Variants in DENND5A observed in about 807,000 individuals in gnomAD.
DENND5A encodes DENN domain-containing protein 5A.
In DENND5A, 64 loss-of-function variants were observed where a neutral mutation model predicts 140.3. The ratio of observed to expected loss-of-function variants is 0.46; its 90% CI spans 0.37 to 0.56. The LOEUF (loss-of-function observed/expected upper bound fraction) is 0.56. Ranked by LOEUF, DENND5A falls within the 20% of genes least tolerant of loss-of-function variation. The probability of loss-of-function intolerance (pLI) is 0.00; values close to 1 mark genes in which losing one functional copy is unlikely to be tolerated. For synonymous variants in DENND5A, 605 were observed against 607.7 expected (o/e 1.00, Z 0.07); for missense variants, 1,292 against 1,593.8 (o/e 0.81, Z 3.22).
intron 11 of DENND5A, among the ~76,000 whole-genome samples, chr11:9,161,253 CAGG>C (rs1298756524): frequency 6.6e-6 from 1 of 152,060 alleles, no homozygotes; most frequent in Non-Finnish European, 1.5e-5. Context: ...GAGGCTGAAG[CAGG>C]AGAATGGCGT....
intron 5 of DENND5A, among the ~76,000 whole-genome samples, chr11:9,184,032 C>G (rs1848822070): frequency 6.7e-6 from 1 of 150,122 alleles, no homozygotes; most frequent in Non-Finnish European, 1.5e-5. Context: ...GCTTGGGCAA[C>G]AACAGTGAAA....
chr11:9,174,397 A>C (rs1848482295), intron 8 of DENND5A, among the ~76,000 whole-genome samples: 1 of 151,966 alleles, frequency 6.6e-6, no homozygotes, highest in Admixed American at 6.6e-5. Flanking sequence ...ATTAAAAGTA[A>C]AATAATGACA....
intron 1 of DENND5A, 91 bp downstream of exon 1, chr11:9,264,870 C>T (rs1852373538): frequency 1.4e-5 from 17 of 1,223,726 alleles, no homozygotes; most frequent in Middle Eastern, 2.7e-4. Flanking sequence ...CGCCCGGCTC[C>T]CGGGACAAAG....
At chr11:9,240,422 G>C (rs529996092) in intron 1 of DENND5A, among the ~76,000 whole-genome samples, 1 of 151,766 alleles carries the variant, frequency 6.6e-6, no homozygotes, top group South Asian at 2.1e-4. Context: ...AACAAAAACT[G>C]ATCCTGACTG....
intron 1 of DENND5A, among the ~76,000 whole-genome samples, chr11:9,232,320 C>CTA (rs1467593938): frequency 2.6e-5 from 4 of 151,290 alleles, no homozygotes; most frequent in Admixed American, 6.6e-5. Flanking sequence ...TATATTTGCA[C>CTA]TATATATATA....
intron 4 of DENND5A, among the ~76,000 whole-genome samples, chr11:9,200,762 G>A (rs1849494886): frequency 6.6e-6 from 1 of 152,130 alleles, no homozygotes; most frequent in Admixed American, 6.6e-5. Context: ...CTCTCACCTG[G>A]ATTATTACAA....
At position 9,145,533 on chromosome 11, in the gene DENND5A, T is replaced by A. The variant is rs1847399097; in HGVS notation, c.3003+137A>T. 5 of 963,330 alleles carry A rather than the reference T, an allele frequency of 5.2e-6. No individual in the cohort carries two copies. The East Asian group carries it at 9.6e-5, about 19-fold the overall frequency. 59.7% of individuals were successfully genotyped at this position (963,330 alleles called of 1,614,324 possible). On this transcript the variant is annotated intron_variant, in intron 17 of 22. Coordinates refer to ENST00000328194, the MANE Select transcript of DENND5A (RefSeq NM_015213.4). ...GTCAGTCTTTGGATCCAGCCTCAGA[T>A]CATCTCAGGAAGGTCAGCTATGCTG...
chr11:9,242,587 T>G (rs1330048610), intron 1 of DENND5A: 1 of 152,206 alleles, frequency 6.6e-6, no homozygotes, highest in Non-Finnish European at 1.5e-5. Context: ...GGCATGTTAT[T>G]CAAACTCTCT....
chr11:9,153,269 T>TG (rs1554912386), intron 12 of DENND5A, among the ~76,000 whole-genome samples: 1 of 119,064 alleles, frequency 8.4e-6, no homozygotes, highest in Non-Finnish European at 1.6e-5. Context: ...GAGTTGAACC[T>TG]GGGGGGCAGA....
At chr11:9,263,234 G>A (rs184739125) in intron 1 of DENND5A, among the ~76,000 whole-genome samples, 2 of 151,174 alleles carry the variant, frequency 1.3e-5, no homozygotes, top group African/African-American at 2.4e-5. Context: ...ACAGAGTCTC[G>A]CTTTATCACC....
At chr11:9,226,979 A>T (rs1208377187) in intron 1 of DENND5A, among the ~76,000 whole-genome samples, 1 of 151,970 alleles carries the variant, frequency 6.6e-6, no homozygotes, top group African/African-American at 2.4e-5. Flanking sequence ...GACCAGGGTG[A>T]CCAACATGGA....
At chr11:9,229,259 T>C (rs1266760535) in intron 1 of DENND5A, among the ~76,000 whole-genome samples, 1 of 152,036 alleles carries the variant, frequency 6.6e-6, no homozygotes, top group Non-Finnish European at 1.5e-5. Flanking sequence ...GGCCCAAATA[T>C]GCATTTATCA....
At chr11:9,257,278 G>C (rs896147222) in intron 1 of DENND5A, among the ~76,000 whole-genome samples, 2 of 151,686 alleles carry the variant, frequency 1.3e-5, no homozygotes, top group South Asian at 4.2e-4. Context: ...TTATAGGCGT[G>C]AGCAACCATG....
intron 5 of DENND5A, among the ~76,000 whole-genome samples, chr11:9,183,073 C>T (rs919535037): frequency 3.9e-5 from 6 of 152,080 alleles, no homozygotes; most frequent in African/African-American, 1.2e-4. Context: ...TGTGTGTGTA[C>T]ATATATATTT....
intron 1 of DENND5A, among the ~76,000 whole-genome samples, chr11:9,264,476 A>AG (rs926088078): frequency 3.9e-4 from 59 of 152,216 alleles, no homozygotes; most frequent in African/African-American, 1.3e-3. Context: ...AATCTGACTC[A>AG]GGGGGCCCAG....
intron 1 of DENND5A, among the ~76,000 whole-genome samples, chr11:9,264,536 T>C (rs1300591189): frequency 6.6e-6 from 1 of 152,130 alleles, no homozygotes; most frequent in Non-Finnish European, 1.5e-5. Context: ...ACAAGCTTCT[T>C]GGGAAGTGGC....
At chr11:9,182,437 T>A (rs1373976839) in intron 5 of DENND5A, among the ~76,000 whole-genome samples, 1 of 152,212 alleles carries the variant, frequency 6.6e-6, no homozygotes, top group Non-Finnish European at 1.5e-5. Flanking sequence ...AGCTATTAAC[T>A]AGTACAGCTG....
At chr11:9,178,820 C>A (rs1167933562) in intron 7 of DENND5A, 38 bp downstream of exon 7, 1 of 1,540,920 alleles carries the variant, frequency 6.5e-7, no homozygotes, top group Non-Finnish European at 9.0e-7. Flanking sequence ...CTGGCAAGTT[C>A]TCATTCCTCA....
chr11:9,141,294 G>A (rs181497442), intron 22 of DENND5A, among the ~76,000 whole-genome samples: 197 of 152,214 alleles, frequency 1.3e-3, no homozygotes, highest in Non-Finnish European at 1.0e-3. Context: ...TTTCAAAATG[G>A]GGCCCCTCTG....
Sources: allele counts gnomAD v4.1 joint callset (sites outside exome capture counted in the v4.1 genomes callset), GRCh38; gene constraint gnomAD v4.1.1; transcripts MANE v1.5; gene names NCBI Gene and HGNC (gene_info 2026-07-23, HGNC 2026-07-21).